Variants in TXN observed in about 807,000 individuals in gnomAD.
TXN encodes the protein thioredoxin, also known as ADF.
Under a neutral mutation model 16.5 loss-of-function variants are expected in TXN, and 10 were observed. That is an observed-to-expected ratio of 0.61 (90% confidence interval 0.37 to 1.03). TXN has a LOEUF of 1.03. TXN is among the 50% of genes least tolerant of loss of function. The pLI is 0.01. For missense variants in TXN, 71 were observed against 122.5 expected (o/e 0.58, Z 1.98); for synonymous variants, 35 against 39.4 (o/e 0.89, Z 0.42).
intron 1 of TXN, among the ~76,000 whole-genome samples, chr9:110,252,721 A>T (rs200142608): frequency 0.11 from 16,001 of 152,110 alleles, 994 homozygotes; most frequent in Non-Finnish European, 0.14. Context: ...CTCGGCTCAC[A>T]GTAACCTTTG....
intron 1 of TXN, among the ~76,000 whole-genome samples, chr9:110,253,326 C>T (rs1274518206): frequency 6.6e-6 from 1 of 152,136 alleles, no homozygotes; most frequent in Non-Finnish European, 1.5e-5. Context: ...CTGAACCCCA[C>T]CTCTAGAGGT....
chr9:110,245,635 TATA>T (rs1837642570), intron 3 of TXN, among the ~76,000 whole-genome samples: 1 of 25,784 alleles, frequency 3.9e-5, no homozygotes, highest in Non-Finnish European at 7.2e-5. Flanking sequence ...TATATATATA[TATA>T]TATATATATA....
intron 2 of TXN, among the ~76,000 whole-genome samples, chr9:110,251,154 A>G (rs4135193): frequency 2.4e-4 from 37 of 152,162 alleles, no homozygotes; most frequent in Non-Finnish European, 3.8e-4. Flanking sequence ...TTAAGACAAA[A>G]TTAACTTCTA....
At chr9:110,249,435 C>G (rs1048808234) in intron 3 of TXN, among the ~76,000 whole-genome samples, 1 of 152,020 alleles carries the variant, frequency 6.6e-6, no homozygotes, top group African/African-American at 2.4e-5. Context: ...GGGCAACCAA[C>G]GTGAATTAAG....
chr9:110,251,586 CAAAAAAAA>C (rs5899890), intron 1 of TXN, 124 bp from the exon 2 acceptor site: 3,473 of 56,358 alleles, frequency 0.062, 152 homozygotes, highest in African/African-American at 0.18. Flanking sequence ...ACTTTTTAGC[CAAAAAAAA>C]AAAAAAAAAA....
chr9:110,246,775 A>C (rs1439267996), intron 3 of TXN, among the ~76,000 whole-genome samples: 1 of 152,206 alleles, frequency 6.6e-6, no homozygotes, highest in African/African-American at 2.4e-5. Context: ...GGTTCCAGTA[A>C]GAGGCACAAG....
chr9:110,245,654 A>ATATATATATATATAT (rs1232332404), intron 3 of TXN, among the ~76,000 whole-genome samples: 6 of 21,780 alleles, frequency 2.8e-4, no homozygotes, highest in Admixed American at 7.9e-4. Context: ...ATATATATAT[A>ATATATATATATATAT]TTTTTTTTTT....
chr9:110,256,160 G>A lies in TXN; in HGVS notation c.24+252C>T, dbSNP rs552668902. 8.1e-4 allele frequency among the ~76,000 whole-genome samples: 123 copies of A among 152,254 alleles called. No individual in the cohort carries two copies. The highest frequency in any genetic ancestry group is 2.8e-3 in the African/African-American group (116 of 41,570). ...CAGGGTGCGAGAAACGCTGGGCACC[G>A]CCACTCCGCCCTCCAGGGGACCCTC... is the stretch of plus-strand genomic sequence containing the variant. On this transcript the variant is annotated intron_variant, in intron 1 of 4. Coordinates refer to ENST00000374517, the MANE Select transcript of TXN (RefSeq NM_003329.4). The surrounding 1 kb of genome is among the most constrained non-coding windows in gnomAD (Gnocchi z 4.2).
chr9:110,246,255 A>C (rs1837658705), intron 3 of TXN, among the ~76,000 whole-genome samples: 1 of 152,124 alleles, frequency 6.6e-6, no homozygotes, highest in African/African-American at 2.4e-5. Context: ...CTAACATCGC[A>C]AATTGGGCTA....
rs1374596720 is a variant in TXN, at chr9:110,245,632, ATATATATATATATATATATATAT to A, written c.190-812_190-790del. Reference sequence around the variant, plus strand: ...ACACACACACACTATATATATATATATATATATATATATATATATATATTTTTTTTTTTTTTTTTTTATAGGGA... The same window carrying A: ...ACACACACACACTATATATATATATATTTTTTTTTTTTTTTTTTATAGGGA... On this transcript the variant is annotated intron_variant, in intron 3 of 4. Transcript: ENST00000374517. Among the ~76,000 whole-genome samples, 10 of 21,088 alleles carry A rather than the reference ATATATATATATATATATATATAT, an allele frequency of 4.7e-4. 1 individual carries two copies. The highest frequency in any genetic ancestry group is 2.6e-3 in the Admixed American group (5 of 1,960). The allele number at this position is 21,088 out of a possible 152,430, so 13.8% of individuals were successfully genotyped here.
chr9:110,254,781 T>C (rs986713018), intron 1 of TXN, among the ~76,000 whole-genome samples: 1 of 152,172 alleles, frequency 6.6e-6, no homozygotes, highest in African/African-American at 2.4e-5. Flanking sequence ...TGTCTGGATT[T>C]TGGGACAACT....
At chr9:110,244,639 T>C (rs796412429) in intron 4 of TXN, 139 bp downstream of exon 4, 86 of 686,460 alleles carry the variant, frequency 1.3e-4, no homozygotes, top group Admixed American at 7.5e-4. Flanking sequence ...CCAATGAATT[T>C]TGGCATATTT....
intron 1 of TXN, among the ~76,000 whole-genome samples, chr9:110,254,044 ATTTT>A (rs374843648): frequency 6.6e-6 from 1 of 151,982 alleles, no homozygotes; most frequent in Non-Finnish European, 1.5e-5. Context: ...GGTAGGTGTC[ATTTT>A]TTTTAAAAGT....
At chr9:110,244,670 C>G (rs959729670) in intron 4 of TXN, 108 bp downstream of exon 4, 23 of 967,178 alleles carry the variant, frequency 2.4e-5, no homozygotes, top group Non-Finnish European at 3.4e-5. Context: ...AAAAGCAGAA[C>G]TTGGTGATAT....
chr9:110,245,378 C>G (rs1837632815), intron 3 of TXN, among the ~76,000 whole-genome samples: 1 of 151,236 alleles, frequency 6.6e-6, no homozygotes, highest in Non-Finnish European at 1.5e-5. Context: ...TAATAGTAAT[C>G]TAAAGGAATA....
Position 110,244,039 on chromosome 9 carries a change from G to T in TXN, c.*118C>A. 2.3e-6 allele frequency: 1 copy of T among 429,952 alleles called. No homozygotes were observed. Among genetic ancestry groups the T allele is most frequent in the South Asian group, 6.3e-5 (1 of 15,766 alleles). 26.6% of individuals were successfully genotyped at this position (429,952 alleles called of 1,614,324 possible). A position where few individuals can be genotyped will look rare whatever the true frequency, so the allele number is the denominator to read the frequency against. ...GGTTTTAAAAAGTGTTAGCATTAAT[G>T]TTTTATTGTCACGCAGATGGCAACT... On this transcript the variant is annotated 3_prime_UTR_variant, in exon 5 of 5. Transcript: ENST00000374517.
At chr9:110,255,891 A>T (rs1012209014) in intron 1 of TXN, among the ~76,000 whole-genome samples, 1 of 152,120 alleles carries the variant, frequency 6.6e-6, no homozygotes, top group Non-Finnish European at 1.5e-5. Context: ...ATCACTTCAC[A>T]TACGGAAAGG....
chr9:110,253,528 G>A (rs756782346), intron 1 of TXN, among the ~76,000 whole-genome samples: 1 of 152,132 alleles, frequency 6.6e-6, no homozygotes, highest in African/African-American at 2.4e-5. Context: ...CCAATGTCTG[G>A]TTGAATAGAC....
Position 110,245,647 on chromosome 9 carries a change from TATATATA to T in TXN, c.190-811_190-805del, listed in dbSNP as rs1168465080. Among the ~76,000 whole-genome samples the T allele has an allele frequency of 8.4e-3, 241 of 28,724 alleles. 4 individuals are homozygous for T. Among genetic ancestry groups the T allele is most frequent in the African/African-American group, 9.8e-3 (60 of 6,140 alleles). The allele number at this position is 28,724 out of a possible 152,430, so 18.8% of individuals were successfully genotyped here. A position where few individuals can be genotyped will look rare whatever the true frequency, so the allele number is the denominator to read the frequency against. On this transcript the variant is annotated intron_variant, in intron 3 of 4. Coordinates refer to ENST00000374517, the MANE Select transcript of TXN (RefSeq NM_003329.4). The stretch of plus-strand genomic sequence containing the variant: ...ATATATATATATATATATATATATA[TATATATA>T]TTTTTTTTTTTTTTTTTTTATAGGG...
Sources: allele counts gnomAD v4.1 joint callset (sites outside exome capture counted in the v4.1 genomes callset), GRCh38; gene constraint gnomAD v4.1.1; non-coding constraint Gnocchi (gnomAD v3.1); transcripts MANE v1.5; gene names NCBI Gene and HGNC (gene_info 2026-07-23, HGNC 2026-07-21).